Variants in KIAA1549L observed in about 807,000 individuals in gnomAD.
KIAA1549L encodes KIAA1549 like, also known as UPF0606 protein KIAA1549L.
In KIAA1549L, 88 loss-of-function variants were observed where a neutral mutation model predicts 160.7. The ratio of observed to expected loss-of-function variants is 0.55; its 90% confidence interval spans 0.46 to 0.65. KIAA1549L has a LOEUF of 0.65. Among genes scored for constraint, KIAA1549L ranks in the 30% least tolerant of loss-of-function variants. The probability of loss-of-function intolerance (pLI) is 0.00; values close to 1 mark genes in which losing one functional copy is unlikely to be tolerated. For synonymous variants in KIAA1549L, 950 were observed against 976.7 expected, an observed-to-expected ratio of 0.97 and a Z score of 0.51; for missense variants, 2,258 against 2,437.5, an observed-to-expected ratio of 0.93 and a Z score of 1.55.
At chr11:33,404,819 G>A (rs1850611203) in intron 1 of KIAA1549L, among the ~76,000 whole-genome samples, 2 of 151,964 alleles carry the variant, frequency 1.3e-5, no homozygotes. Context: ...AGACCAGCCT[G>A]GCCAACATGG....
At position 33,598,820 on chromosome 11, in the gene KIAA1549L, C is replaced by T; in HGVS notation, c.4752C>T (p.Ser1584=). Residue 1584 remains serine (S), a splice_region_variant and synonymous_variant, in exon 13 of 21, where the codon AGC becomes AGT. Transcript: ENST00000658780. ...CCCCTGTTGCTATGGTTACCTCCAG[C>T]AGGTCGCCCAGTGAGAATGGCTCTG... ...KTAKSTETRK[S]RSPSENGSVI... is the part of the protein sequence containing the mutation. The T allele has an allele frequency of 6.2e-7, 1 of 1,613,840 alleles. No homozygotes were observed. The highest frequency in any genetic ancestry group is 8.5e-7 in the Non-Finnish European group (1 of 1,179,774).
chr11:33,520,108 C>G (rs1853444622), intron 1 of KIAA1549L, among the ~76,000 whole-genome samples: 1 of 152,120 alleles, frequency 6.6e-6, no homozygotes, highest in Non-Finnish European at 1.5e-5. Context: ...CCCAAAGTTT[C>G]TTCTCCCTTC....
At chr11:33,450,737 G>A (rs905253692) in intron 1 of KIAA1549L, 6 of 152,242 alleles carry the variant, frequency 3.9e-5, no homozygotes, top group African/African-American at 1.4e-4. Context: ...GACCATAACA[G>A]CTGCAAACTC....
intron 6 of KIAA1549L, among the ~76,000 whole-genome samples, chr11:33,556,471 C>T (rs958715920): frequency 2.0e-5 from 3 of 152,136 alleles, no homozygotes; most frequent in African/African-American, 7.2e-5. Flanking sequence ...GAATATTATT[C>T]AGCCTTTAAA....
chr11:33,458,592 T>C (rs1851877330), intron 1 of KIAA1549L, among the ~76,000 whole-genome samples: 2 of 152,206 alleles, frequency 1.3e-5, no homozygotes, highest in Admixed American at 1.3e-4. Context: ...CTGGCCTGTC[T>C]TACAGATGGT....
chr11:33,644,803 T>A (rs1851672868), intron 16 of KIAA1549L, among the ~76,000 whole-genome samples: 1 of 152,270 alleles, frequency 6.6e-6, no homozygotes, highest in African/African-American at 2.4e-5. Flanking sequence ...ATCTCTTCCC[T>A]TCTGTGTTCT....
intron 1 of KIAA1549L, among the ~76,000 whole-genome samples, chr11:33,429,079 C>A (rs1008611594): frequency 6.6e-6 from 1 of 152,212 alleles, no homozygotes; most frequent in Non-Finnish European, 1.5e-5. Context: ...TCAAGCGATT[C>A]TCCTGCCTCA....
chr11:33,581,802 A>G (rs1286379202), intron 10 of KIAA1549L, among the ~76,000 whole-genome samples: 1 of 152,232 alleles, frequency 6.6e-6, no homozygotes, highest in Non-Finnish European at 1.5e-5. Flanking sequence ...TTTGACTGTT[A>G]AATGAATTTA....
intron 13 of KIAA1549L, among the ~76,000 whole-genome samples, chr11:33,601,538 T>G (rs1850360066): frequency 6.6e-6 from 1 of 152,210 alleles, no homozygotes; most frequent in African/African-American, 2.4e-5. Context: ...TTCATCACCT[T>G]GCCAGCTTGC....
intron 1 of KIAA1549L, among the ~76,000 whole-genome samples, chr11:33,499,358 CATAGG>C (rs1199456140): frequency 6.6e-6 from 1 of 152,170 alleles, no homozygotes; most frequent in Non-Finnish European, 1.5e-5. Flanking sequence ...TACAAACTCT[CATAGG>C]TTTAAGTAGT....
chr11:33,566,686 G>A (rs892280600), intron 8 of KIAA1549L, among the ~76,000 whole-genome samples: 4 of 152,164 alleles, frequency 2.6e-5, no homozygotes, highest in Non-Finnish European at 1.5e-5. Flanking sequence ...ATCTGTTGTC[G>A]CCGGTTATCT....
intron 1 of KIAA1549L, among the ~76,000 whole-genome samples, chr11:33,519,942 CT>C (rs66807433): frequency 0.62 from 89,871 of 145,228 alleles, 27,460 homozygotes; most frequent in Middle Eastern, 0.7. Flanking sequence ...GGGTCGCCAT[CT>C]TTTTTTTTTT....
intron 9 of KIAA1549L, among the ~76,000 whole-genome samples, chr11:33,572,672 A>G (rs544551094): frequency 3.3e-5 from 5 of 152,200 alleles, no homozygotes; most frequent in Non-Finnish European, 7.4e-5. Flanking sequence ...ATTCTCTTAT[A>G]TGAATATACT....
intron 8 of KIAA1549L, among the ~76,000 whole-genome samples, chr11:33,567,597 A>T (rs1383705068): frequency 6.6e-6 from 1 of 152,236 alleles, no homozygotes; most frequent in Non-Finnish European, 1.5e-5. Context: ...TCAAGCTGGG[A>T]CAAGGCAAAA....
chr11:33,571,495 G>A (rs891826586), intron 9 of KIAA1549L, among the ~76,000 whole-genome samples: 3 of 152,154 alleles, frequency 2.0e-5, no homozygotes, highest in African/African-American at 7.2e-5. Context: ...TCTGCAGGCT[G>A]TACAGGAAGC....
intron 20 of KIAA1549L, 41 bp downstream of exon 20, chr11:33,661,055 T>C: frequency 2.6e-6 from 4 of 1,550,010 alleles, no homozygotes; most frequent in Non-Finnish European, 3.5e-6. Context: ...TTTACCTGCT[T>C]AACACATGCC....
At chr11:33,588,486 C>T (rs756759158) in intron 11 of KIAA1549L, among the ~76,000 whole-genome samples, 10 of 151,994 alleles carry the variant, frequency 6.6e-5, no homozygotes, top group Non-Finnish European at 1.0e-4. Context: ...GGAAGCTCAT[C>T]GGGGAGGCCT....
chr11:33,622,318 G>C (rs1260127476), intron 16 of KIAA1549L, among the ~76,000 whole-genome samples: 1 of 152,150 alleles, frequency 6.6e-6, no homozygotes, highest in African/African-American at 2.4e-5. Context: ...ATCATCGGCG[G>C]GTTGAAGGAA....
intron 1 of KIAA1549L, among the ~76,000 whole-genome samples, chr11:33,500,935 A>G (rs1331544852): frequency 6.6e-6 from 1 of 152,110 alleles, no homozygotes; most frequent in Non-Finnish European, 1.5e-5. Flanking sequence ...TACCAATTGC[A>G]TTGTGTTTAG....
Sources: allele counts gnomAD v4.1 joint callset (sites outside exome capture counted in the v4.1 genomes callset), GRCh38; gene constraint gnomAD v4.1.1; transcripts MANE v1.5; gene names NCBI Gene and HGNC (gene_info 2026-07-23, HGNC 2026-07-21).